Variants in ANO10 observed in about 807,000 individuals in gnomAD.
ANO10 encodes the protein anoctamin-10.
In ANO10, 77 loss-of-function variants were observed where a neutral mutation model predicts 74.7. The observed-to-expected ratio is 1.03, with a 90% CI of 0.86 to 1.25. The LOEUF (loss-of-function observed/expected upper bound fraction) is 1.25. ANO10 is among the 50% of genes most tolerant of loss of function. The pLI is 0.00. For synonymous variants in ANO10, 279 were observed against 284.9 expected (o/e 0.98, Z 0.21); for missense variants, 721 against 778.1 (o/e 0.93, Z 0.87).
chr3:43,486,487 C>T (rs1174148788), intron 11 of ANO10, among the ~76,000 whole-genome samples: 4 of 150,364 alleles, frequency 2.7e-5, no homozygotes, highest in African/African-American at 9.8e-5. Context: ...TTTCCTTGAG[C>T]AGTGGTTTGT....
chr3:43,681,045 A>G (rs1034539375), intron 1 of ANO10, among the ~76,000 whole-genome samples: 8 of 152,212 alleles, frequency 5.3e-5, no homozygotes, highest in Non-Finnish European at 1.2e-4. Context: ...ACCATCTAAC[A>G]TCATAATGAC....
chr3:43,677,958 C>T (rs1177633591), intron 1 of ANO10, among the ~76,000 whole-genome samples: 1 of 152,206 alleles, frequency 6.6e-6, no homozygotes, highest in Non-Finnish European at 1.5e-5. Context: ...AAACACTAAT[C>T]AACATGAGGG....
At chr3:43,636,227 TCCAGCAA>T (rs929657922) in intron 1 of ANO10, 1 of 152,216 alleles carries the variant, frequency 6.6e-6, no homozygotes, top group Admixed American at 6.6e-5. Context: ...TGTGGTTGAC[TCCAGCAA>T]CCAGCATAGG....
intron 4 of ANO10, among the ~76,000 whole-genome samples, chr3:43,584,218 TG>T (rs1357280297): frequency 6.6e-6 from 1 of 152,214 alleles, no homozygotes; most frequent in Non-Finnish European, 1.5e-5. Context: ...GCTTGTCATG[TG>T]GTGGAATGAG....
chr3:43,424,351 A>G (rs1226812925), intron 12 of ANO10, among the ~76,000 whole-genome samples: 2 of 152,234 alleles, frequency 1.3e-5, no homozygotes, highest in East Asian at 3.8e-4. Flanking sequence ...TTATAGTTTA[A>G]CTTTGAAACA....
chr3:43,652,723 A>T (rs1420981552), intron 1 of ANO10, among the ~76,000 whole-genome samples: 3 of 152,240 alleles, frequency 2.0e-5, no homozygotes, highest in East Asian at 3.9e-4. Context: ...ATATTTACAT[A>T]ACTTAGAATC....
chr3:43,537,427 A>C (rs544052557), intron 11 of ANO10, among the ~76,000 whole-genome samples: 1 of 152,268 alleles, frequency 6.6e-6, no homozygotes, highest in South Asian at 2.1e-4. Flanking sequence ...TTCTGTGTGA[A>C]GTGCTGAAAT....
chr3:43,688,191 GC>G (rs770991690), intron 1 of ANO10, among the ~76,000 whole-genome samples: 14 of 152,082 alleles, frequency 9.2e-5, no homozygotes, highest in Non-Finnish European at 2.1e-4. Context: ...TGACTGTGCA[GC>G]AGGCACAGGC....
At position 43,379,490 on chromosome 3, in the gene ANO10, C is replaced by T. The variant is rs1207620689; in HGVS notation, c.1915-12516G>A. The stretch of plus-strand genomic sequence containing the variant: ...TTTGCTCCAAGAACTACTGCAGGAA[C>T]ATACCAGGAAAGCCAAGAGAATCCA... On this transcript the variant is annotated intron_variant, in intron 12 of 12. Coordinates refer to ENST00000292246, the MANE Select transcript of ANO10 (RefSeq NM_018075.5). Among the ~76,000 whole-genome samples, 4 of 152,200 alleles carry T rather than the reference C, an allele frequency of 2.6e-5. No homozygotes were observed. The East Asian group carries it at 7.7e-4, about 29-fold the overall frequency.
intron 1 of ANO10, among the ~76,000 whole-genome samples, chr3:43,607,321 G>A (rs906282941): frequency 3.4e-5 from 5 of 149,220 alleles, no homozygotes. Flanking sequence ...GGGCAACATA[G>A]CAAGACCCTG....
intron 12 of ANO10, among the ~76,000 whole-genome samples, chr3:43,419,081 G>A (rs1200894946): frequency 2.0e-5 from 3 of 152,258 alleles, no homozygotes; most frequent in Non-Finnish European, 4.4e-5. Flanking sequence ...TCCCATGGTT[G>A]TTGGCAATAA....
chr3:43,682,277 A>G (rs1001647357), intron 1 of ANO10, among the ~76,000 whole-genome samples: 1 of 152,164 alleles, frequency 6.6e-6, no homozygotes, highest in East Asian at 1.9e-4. Context: ...AAATACAAAC[A>G]ACCATCAGAG....
chr3:43,390,698 G>C (rs2092254089), intron 12 of ANO10, among the ~76,000 whole-genome samples: 1 of 152,196 alleles, frequency 6.6e-6, no homozygotes, highest in African/African-American at 2.4e-5. Context: ...GAGGACTTAT[G>C]TACAGTAACC....
At chr3:43,607,490 G>C (rs937943436) in intron 1 of ANO10, among the ~76,000 whole-genome samples, 20 of 152,054 alleles carry the variant, frequency 1.3e-4, no homozygotes, top group Admixed American at 5.9e-4. Flanking sequence ...GGAGGCTAGG[G>C]GACAAAACAT....
intron 1 of ANO10, among the ~76,000 whole-genome samples, chr3:43,614,422 A>G (rs1559783624): frequency 6.6e-6 from 1 of 152,210 alleles, no homozygotes; most frequent in Non-Finnish European, 1.5e-5. Flanking sequence ...AAGAGTCCTT[A>G]CAAATCAACA....
At chr3:43,442,763 G>C (rs2148969536) in intron 11 of ANO10, among the ~76,000 whole-genome samples, 1 of 152,248 alleles carries the variant, frequency 6.6e-6, no homozygotes, top group East Asian at 1.9e-4. Context: ...GCCATTCCTT[G>C]CAACATGAAA....
At chr3:43,516,497 C>T (rs2077717242) in intron 11 of ANO10, among the ~76,000 whole-genome samples, 1 of 152,124 alleles carries the variant, frequency 6.6e-6, no homozygotes, top group South Asian at 2.1e-4. Flanking sequence ...CCTTGAATCC[C>T]TTGTTAAGGA....
At chr3:43,457,648 G>C (rs1575889693) in intron 11 of ANO10, among the ~76,000 whole-genome samples, 1 of 152,224 alleles carries the variant, frequency 6.6e-6, no homozygotes, top group East Asian at 1.9e-4. Flanking sequence ...AGATTTGGGT[G>C]GGAACACAGA....
intron 1 of ANO10, among the ~76,000 whole-genome samples, chr3:43,632,004 CAG>C (rs1472428738): frequency 6.7e-6 from 1 of 148,670 alleles, no homozygotes; most frequent in Non-Finnish European, 1.5e-5. Flanking sequence ...ACCCAGGAGA[CAG>C]AGGTTGCAGT....
Sources: allele counts gnomAD v4.1 joint callset (sites outside exome capture counted in the v4.1 genomes callset), GRCh38; gene constraint gnomAD v4.1.1; transcripts MANE v1.5; gene names NCBI Gene and HGNC (gene_info 2026-07-23, HGNC 2026-07-21).